PHACTR3: variants seen among roughly 807,000 people sequenced by gnomAD.
PHACTR3 encodes the protein phosphatase and actin regulator 3, also known as protein phosphatase 1, regulatory subunit 123.
A neutral mutation model predicts 66.8 loss-of-function variants in PHACTR3; 16 were observed. The ratio of observed to expected loss-of-function variants is 0.24; its 90% CI spans 0.16 to 0.36. The LOEUF is 0.36. PHACTR3 is among the 10% of genes least tolerant of loss of function. The pLI, the probability that PHACTR3 is intolerant of heterozygous loss-of-function variation, is 1.00. For synonymous variants in PHACTR3, 323 were observed against 292.1 expected, an observed-to-expected ratio of 1.11 and a Z score of -1.08; for missense variants, 647 against 719.9, an observed-to-expected ratio of 0.90 and a Z score of 1.16.
At chr20:59,685,696 C>T (rs1568710126) in intron 1 of PHACTR3, among the ~76,000 whole-genome samples, 1 of 152,222 alleles carries the variant, frequency 6.6e-6, no homozygotes, top group Non-Finnish European at 1.5e-5. Context: ...GACACTCGTC[C>T]CCTGCCTTAC....
At chr20:59,606,840 A>T (rs940224714) in intron 1 of PHACTR3, among the ~76,000 whole-genome samples, 2 of 152,126 alleles carry the variant, frequency 1.3e-5, no homozygotes, top group African/African-American at 4.8e-5. Flanking sequence ...CACAGGCTTG[A>T]GCTCTCCTCT....
chr20:59,587,651 C>G (rs1215864736), intron 1 of PHACTR3, among the ~76,000 whole-genome samples: 2 of 152,218 alleles, frequency 1.3e-5, no homozygotes, highest in Non-Finnish European at 1.5e-5. Flanking sequence ...AGAGAATTCA[C>G]TTCCTGCTCG....
chr20:59,701,908 T>G (rs1348492524), intron 1 of PHACTR3, among the ~76,000 whole-genome samples: 1 of 152,246 alleles, frequency 6.6e-6, no homozygotes, highest in Non-Finnish European at 1.5e-5. Context: ...ATCTTTTGGT[T>G]GTCACTATGG....
At chr20:59,654,598 C>G (rs1361914131) in intron 1 of PHACTR3, among the ~76,000 whole-genome samples, 1 of 152,062 alleles carries the variant, frequency 6.6e-6, no homozygotes, top group East Asian at 1.9e-4. Flanking sequence ...AAAAATTAAG[C>G]CTGAATGTGA....
intron 1 of PHACTR3, among the ~76,000 whole-genome samples, chr20:59,687,224 C>T (rs571766679): frequency 2.2e-3 from 258 of 117,156 alleles, no homozygotes; most frequent in African/African-American, 8.1e-3. Flanking sequence ...GTGATGATGA[C>T]GATGGTGATT....
intron 1 of PHACTR3, among the ~76,000 whole-genome samples, chr20:59,670,611 G>GC (rs1397523928): frequency 2.9e-5 from 4 of 136,604 alleles, no homozygotes; most frequent in African/African-American, 1.0e-4. Flanking sequence ...GGGGTGGGGG[G>GC]GGGGGGCAGG....
intron 7 of PHACTR3, among the ~76,000 whole-genome samples, chr20:59,790,032 G>A: frequency 6.6e-6 from 1 of 152,174 alleles, no homozygotes; most frequent in Non-Finnish European, 1.5e-5. Context: ...CAGGCTAATT[G>A]AGAAAAAGAT....
intron 1 of PHACTR3, among the ~76,000 whole-genome samples, chr20:59,656,441 TGA>T (rs2146463527): frequency 6.6e-6 from 1 of 152,084 alleles, no homozygotes; most frequent in East Asian, 1.9e-4. Context: ...TAGCTTTATC[TGA>T]TATTGGAATA....
At chr20:59,795,924 C>T (rs2041241216) in intron 7 of PHACTR3, among the ~76,000 whole-genome samples, 1 of 152,040 alleles carries the variant, frequency 6.6e-6, no homozygotes, top group Admixed American at 6.5e-5. Flanking sequence ...TCTATTTAGC[C>T]ACTCTCTATT....
At chr20:59,677,241 G>C (rs766825821) in intron 1 of PHACTR3, among the ~76,000 whole-genome samples, 3 of 152,120 alleles carry the variant, frequency 2.0e-5, no homozygotes, top group Non-Finnish European at 2.9e-5. Context: ...AAGTAGAGGA[G>C]GTTTCCCACA....
chr20:59,847,524 G>A lies in PHACTR3; in HGVS notation c.*394G>A, dbSNP rs2059173364. ...ATGTGACAGTGTCATTCAGTATTAT[G>A]TTCAAAAGACATTTTTATCCTGATC... On this transcript the variant is annotated 3_prime_UTR_variant, in exon 13 of 13. Transcript: ENST00000371015. 1 of 172,922 alleles carries A rather than the reference G, an allele frequency of 5.8e-6. No homozygotes were observed. Among genetic ancestry groups the A allele is most frequent in the Non-Finnish European group, 1.2e-5 (1 of 81,466 alleles). 10.7% of individuals were successfully genotyped at this position (172,922 alleles called of 1,614,324 possible). A position where few individuals can be genotyped will look rare whatever the true frequency, so the allele number is the denominator to read the frequency against.
chr20:59,682,987 T>C (rs2036721754), intron 1 of PHACTR3, among the ~76,000 whole-genome samples: 1 of 152,234 alleles, frequency 6.6e-6, no homozygotes, highest in South Asian at 2.1e-4. Context: ...AACAGGCTAG[T>C]GTCCAGGTGG....
At chr20:59,646,956 T>A (rs1193509864) in intron 1 of PHACTR3, among the ~76,000 whole-genome samples, 1 of 152,172 alleles carries the variant, frequency 6.6e-6, no homozygotes, top group African/African-American at 2.4e-5. Context: ...AAGGGATTTT[T>A]GTCTTTAAAT....
At position 59,755,480 on chromosome 20, in the gene PHACTR3, G is replaced by A; in HGVS notation, c.541+116G>A. ...CTCGTAGAACATTGTTCTCCAGAGA[G>A]CTGGGCCCGTGCTCTAAGCGCTGCC... is the stretch of plus-strand genomic sequence containing the variant. On this transcript the variant is annotated intron_variant, in intron 4 of 12. Transcript: ENST00000371015. 3 of 1,221,440 alleles carry A rather than the reference G, an allele frequency of 2.5e-6. No homozygotes were observed. The East Asian group carries it at 7.6e-5, about 31-fold the overall frequency. The allele number at this position is 1,221,440 out of a possible 1,614,324, so 75.7% of individuals were successfully genotyped here.
chr20:59,772,177 C>T (rs1389184425), intron 5 of PHACTR3, among the ~76,000 whole-genome samples: 1 of 152,250 alleles, frequency 6.6e-6, no homozygotes, highest in Non-Finnish European at 1.5e-5. Context: ...AGCCCATGCT[C>T]TCTGCTCTTC....
At chr20:59,760,842 G>A (rs1050349158) in intron 4 of PHACTR3, among the ~76,000 whole-genome samples, 4 of 152,084 alleles carry the variant, frequency 2.6e-5, no homozygotes, top group African/African-American at 9.7e-5. Context: ...TCCCACAAGT[G>A]CACTAATTAA....
In PHACTR3 at chr20:59,791,083, G is replaced by A. The variant is rs558898466; in HGVS notation, c.1175-14958G>A. On this transcript the variant is annotated intron_variant, in intron 7 of 12. Transcript: ENST00000371015. ...CTTTCAGCTCCACCATGGTATGAAT[G>A]TTTGTCTCCTCCAAAACTCATGTTG... Among the ~76,000 whole-genome samples the A allele has an allele frequency of 1.4e-3, 211 of 152,254 alleles. 1 individual carries two copies. Among genetic ancestry groups the A allele is most frequent in the African/African-American group, 4.9e-3 (202 of 41,552 alleles).
At chr20:59,667,888 T>C (rs2036047038) in intron 1 of PHACTR3, among the ~76,000 whole-genome samples, 1 of 152,218 alleles carries the variant, frequency 6.6e-6, no homozygotes, top group African/African-American at 2.4e-5. Flanking sequence ...ACCTCCTACT[T>C]AATCACTGGC....
chr20:59,843,767 C>T (rs1338537298), intron 11 of PHACTR3: 2 of 152,072 alleles, frequency 1.3e-5, no homozygotes, highest in African/African-American at 2.4e-5. Flanking sequence ...GGACATTGGT[C>T]TAGGCAAACA....
Sources: allele counts gnomAD v4.1 joint callset (sites outside exome capture counted in the v4.1 genomes callset), GRCh38; gene constraint gnomAD v4.1.1; transcripts MANE v1.5; gene names NCBI Gene and HGNC (gene_info 2026-07-23, HGNC 2026-07-21).